Variants in EDIL3 observed in about 807,000 individuals in gnomAD.
The protein encoded by EDIL3 is EGF like and discoidin domains 3, also known as EGF-like repeat and discoidin I-like domain-containing protein 3.
In EDIL3, 37 loss-of-function variants were observed where a neutral mutation model predicts 67.4. The observed-to-expected ratio is 0.55, with a 90% confidence interval of 0.42 to 0.72. EDIL3 has a LOEUF of 0.72. Among genes scored for constraint, EDIL3 ranks in the 30% least tolerant of loss-of-function variants. The pLI is 0.00. For missense variants in EDIL3, 527 were observed against 586.3 expected (o/e 0.90, Z 1.04); for synonymous variants, 195 against 196.3 (o/e 0.99, Z 0.05).
At chr5:84,121,534 G>GATCTATCTATCTATCT (rs544249908) in intron 5 of EDIL3, among the ~76,000 whole-genome samples, 5 of 99,906 alleles carry the variant, frequency 5.0e-5, no homozygotes, top group African/African-American at 1.5e-4. Flanking sequence ...CACTAACTTA[G>GATCTATCTATCTATCT]ATCGATCTAT....
rs540917333 is a variant in EDIL3, at chr5:83,954,695, T to C, written c.1293+8510A>G. On this transcript the variant is annotated intron_variant, in intron 10 of 10. Coordinates refer to ENST00000296591, the MANE Select transcript of EDIL3 (RefSeq NM_005711.5). Reference sequence around the variant, plus strand: ...GGCATTCCTTAATCGTAACACAAAATGGACTAACACCACTAGTCAATGGTT... The same window carrying C: ...GGCATTCCTTAATCGTAACACAAAACGGACTAACACCACTAGTCAATGGTT... 6.3e-4 allele frequency among the ~76,000 whole-genome samples: 95 copies of C among 151,832 alleles called. 1 individual carries two copies. Among genetic ancestry groups the C allele is most frequent in the Non-Finnish European group, 1.1e-3 (73 of 67,804 alleles).
intron 1 of EDIL3, among the ~76,000 whole-genome samples, chr5:84,301,279 G>GAAAAAAAAAAAAAAAAAAAAAA (rs5869220): frequency 8.2e-6 from 1 of 122,402 alleles, no homozygotes; most frequent in African/African-American, 3.2e-5. Context: ...AAAAAAAAAA[G>GAAAAAAAAAAAAAAAAAAAAAA]AAAAAAAAAA....
At chr5:84,244,618 G>A (rs1402381588) in intron 2 of EDIL3, among the ~76,000 whole-genome samples, 1 of 152,026 alleles carries the variant, frequency 6.6e-6, no homozygotes, top group Non-Finnish European at 1.5e-5. Context: ...AATTCTTAAA[G>A]TGTCATATCT....
rs545421915 is a variant in EDIL3, at chr5:83,955,621, A to G, written c.1293+7584T>C. Among the ~76,000 whole-genome samples, 10 of 151,844 alleles carry G rather than the reference A, an allele frequency of 6.6e-5. No homozygotes were observed. The South Asian group carries it at 2.1e-3, about 32-fold the overall frequency. On this transcript the variant is annotated intron_variant, in intron 10 of 10. Transcript: ENST00000296591. ...AAATTTATTGAGAACGATGTTTCATAGCATCTGTACTAGGTGGTTATCTGT... is the reference window on the plus strand; with the variant it reads ...AAATTTATTGAGAACGATGTTTCATGGCATCTGTACTAGGTGGTTATCTGT...
At chr5:84,105,838 G>C (rs1747450451) in intron 6 of EDIL3, among the ~76,000 whole-genome samples, 1 of 151,998 alleles carries the variant, frequency 6.6e-6, no homozygotes, top group South Asian at 2.1e-4. Context: ...CTCAGGCCTA[G>C]CTCAAAAGCT....
rs1482325963 is a variant in EDIL3 at position 84,208,552 on chromosome 5, G to A, written c.226+21303C>T. ...AAATTAGCCGGGCGCGGTGGTGGGC[G>A]CCTGTAGTCCCAGCTACTCGGGAGG... On this transcript the variant is annotated intron_variant, in intron 3 of 10. Coordinates refer to ENST00000296591, the MANE Select transcript of EDIL3 (RefSeq NM_005711.5). Among the ~76,000 whole-genome samples, 488 of 151,384 alleles carry A rather than the reference G, an allele frequency of 3.2e-3. 1 individual carries two copies. The highest frequency in any genetic ancestry group is 0.02 in the East Asian group (105 of 5,132).
At chr5:84,043,550 G>T (rs1746169413) in intron 9 of EDIL3, among the ~76,000 whole-genome samples, 2 of 152,280 alleles carry the variant, frequency 1.3e-5, no homozygotes, top group Non-Finnish European at 2.9e-5. Context: ...GGCTGTTAAG[G>T]TTAAACCACA....
At chr5:84,287,613 C>T (rs1056218924) in intron 1 of EDIL3, among the ~76,000 whole-genome samples, 1 of 152,110 alleles carries the variant, frequency 6.6e-6, no homozygotes, top group Non-Finnish European at 1.5e-5. Flanking sequence ...AGGACACATG[C>T]ACAGGCCTGC....
At chr5:84,307,566 C>T (rs908915335) in intron 1 of EDIL3, among the ~76,000 whole-genome samples, 3 of 152,078 alleles carry the variant, frequency 2.0e-5, no homozygotes, top group South Asian at 2.1e-4. Flanking sequence ...TGAAACATTG[C>T]GCCAGCAACT....
At chr5:84,223,240 T>A (rs1475464951) in intron 3 of EDIL3, among the ~76,000 whole-genome samples, 1 of 151,590 alleles carries the variant, frequency 6.6e-6, no homozygotes, top group Admixed American at 6.6e-5. Flanking sequence ...TGGAAGTTCC[T>A]CAAAAAAAAT....
chr5:83,990,316 G>A lies in EDIL3; in HGVS notation c.1138-26956C>T, dbSNP rs142026366. Among the ~76,000 whole-genome samples the A allele has an allele frequency of 5.9e-3, 899 of 151,944 alleles. 12 individuals carry two copies. Among genetic ancestry groups the A allele is most frequent in the African/African-American group, 0.02 (809 of 41,474 alleles). ...ATTTTGGCCAACCTGGTGAAATCCC[G>A]TCTCTACTGAAAATATAAAAATTAG... On this transcript the variant is annotated intron_variant, in intron 9 of 10. Coordinates refer to ENST00000296591, the MANE Select transcript of EDIL3 (RefSeq NM_005711.5).
At chr5:84,225,951 G>T (rs1744443777) in intron 3 of EDIL3, among the ~76,000 whole-genome samples, 1 of 151,354 alleles carries the variant, frequency 6.6e-6, no homozygotes, top group East Asian at 1.9e-4. Context: ...GTGATTTTTG[G>T]CAGTAAAAAA....
intron 1 of EDIL3, among the ~76,000 whole-genome samples, chr5:84,366,392 A>C (rs1346115426): frequency 6.6e-6 from 1 of 152,184 alleles, no homozygotes; most frequent in Admixed American, 6.6e-5. Context: ...CCCGTTTTAC[A>C]CATGAGAAAA....
At chr5:83,956,097 C>T (rs1245734674) in intron 10 of EDIL3, among the ~76,000 whole-genome samples, 1 of 151,726 alleles carries the variant, frequency 6.6e-6, no homozygotes, top group Non-Finnish European at 1.5e-5. Context: ...CTTTCATTTC[C>T]AGCATGTAGC....
In EDIL3 at chr5:84,077,247, G is replaced by A. The variant is rs890222794; in HGVS notation, c.652-10641C>T. 7.9e-5 allele frequency among the ~76,000 whole-genome samples: 12 copies of A among 152,136 alleles called. No individual in the cohort carries two copies. The South Asian group carries it at 1.0e-3, about 13-fold the overall frequency. On this transcript the variant is annotated intron_variant, in intron 6 of 10. Transcript: ENST00000296591. ...TAACAGAGTAAAAGTGGCAAATATC[G>A]TCTTAGAAATATTATGAAAATTGTG...
intron 1 of EDIL3, among the ~76,000 whole-genome samples, chr5:84,371,331 ATATATATATATGTGTGTGTG>A (rs1747842022): frequency 6.9e-6 from 1 of 144,010 alleles, no homozygotes; most frequent in African/African-American, 2.6e-5. Flanking sequence ...ATATATATAT[ATATATATATATGTGTGTGTG>A]TATATATATG....
chr5:84,325,222 T>C (rs1746734193), intron 1 of EDIL3, among the ~76,000 whole-genome samples: 1 of 151,926 alleles, frequency 6.6e-6, no homozygotes, highest in South Asian at 2.1e-4. Context: ...TTATAAATCA[T>C]ATATCTAAAA....
At chr5:84,377,626 C>T (rs1747995753) in intron 1 of EDIL3, among the ~76,000 whole-genome samples, 1 of 152,122 alleles carries the variant, frequency 6.6e-6, no homozygotes, top group Admixed American at 6.5e-5. Flanking sequence ...CAAGCACAAA[C>T]CTTAAGGAAT....
At chr5:84,256,183 A>C (rs1171675265) in intron 1 of EDIL3, among the ~76,000 whole-genome samples, 2 of 145,950 alleles carry the variant, frequency 1.4e-5, no homozygotes, top group African/African-American at 5.0e-5. Context: ...ATCCACACAT[A>C]TAGCTAGCTA....
Sources: allele counts gnomAD v4.1 joint callset (sites outside exome capture counted in the v4.1 genomes callset), GRCh38; gene constraint gnomAD v4.1.1; transcripts MANE v1.5; gene names NCBI Gene and HGNC (gene_info 2026-07-23, HGNC 2026-07-21).